The following SHANK2 variants were observed in gnomAD, a reference collection of about 807,000 sequenced individuals.
The protein encoded by SHANK2 is SH3 and multiple ankyrin repeat domains 2.
SHANK2 carries 43 observed loss-of-function variants against 133.7 expected under a neutral mutation model. The ratio of observed to expected loss-of-function variants is 0.32; its 90% CI spans 0.25 to 0.41. SHANK2 has a LOEUF of 0.41. Among genes scored for constraint, SHANK2 ranks in the 10% least tolerant of loss-of-function variants. The pLI, the probability that SHANK2 is intolerant of heterozygous loss-of-function variation, is 1.00. For missense variants in SHANK2, 1,994 were observed against 2,235.8 expected (o/e 0.89, Z 2.18); for synonymous variants, 1,017 against 952.8 (o/e 1.07, Z -1.24).
chr11:70,746,933 T>A (rs1946650514), intron 14 of SHANK2, among the ~76,000 whole-genome samples: 1 of 147,900 alleles, frequency 6.8e-6, no homozygotes, highest in African/African-American at 2.5e-5. Flanking sequence ...ACCGCTGTAC[T>A]CCCCTTTACC....
At chr11:70,692,581 C>G (rs989961876) in intron 15 of SHANK2, among the ~76,000 whole-genome samples, 1 of 152,272 alleles carries the variant, frequency 6.6e-6, no homozygotes, top group Admixed American at 6.5e-5. Flanking sequence ...TTTGCAGGGC[C>G]CTTCTCTAGA....
At position 70,494,614 on chromosome 11, in the gene SHANK2, C is replaced by T. The variant is rs148015974; in HGVS notation, c.2309-2149G>A. ...CAGCCATACACTTTTAGTCTTCAAACAAGGATGGGGAAGAAAAGGCAGGAG... is the reference window on the plus strand; with the variant it reads ...CAGCCATACACTTTTAGTCTTCAAATAAGGATGGGGAAGAAAAGGCAGGAG... On this transcript the variant is annotated intron_variant, in intron 21 of 25. Transcript: ENST00000601538. Among the ~76,000 whole-genome samples the T allele has an allele frequency of 2.0e-4, 31 of 152,262 alleles. No homozygotes were observed. In the East Asian group the frequency reaches 5.2e-3, roughly 26 times the overall value.
At chr11:70,748,447 G>C (rs1350886482) in intron 14 of SHANK2, among the ~76,000 whole-genome samples, 1 of 152,126 alleles carries the variant, frequency 6.6e-6, no homozygotes, top group African/African-American at 2.4e-5. Context: ...GCTAATGCCT[G>C]GTGCTCCCTG....
chr11:70,912,099 AAAAAAAAAAAAAAAAAG>A (rs1357372763), intron 10 of SHANK2, among the ~76,000 whole-genome samples: 3,748 of 136,796 alleles, frequency 0.027, 104 homozygotes, highest in African/African-American at 0.076. Context: ...AAAAAAAAAA[AAAAAAAAAAAAAAAAAG>A]AAAGAAAGAA....
Position 71,167,417 on chromosome 11 carries a change from AC to A in SHANK2, c.-12-20080del, listed in dbSNP as rs539162998. On this transcript the variant is annotated intron_variant, in intron 2 of 25. Transcript: ENST00000601538. ...GGGCGGCTGGCCGGGCGGGGGGCTG[AC>A]CCCCCCCACCTCCCTCCCAGACGGG... 2.5e-3 allele frequency among the ~76,000 whole-genome samples: 295 copies of A among 119,168 alleles called. 2 individuals are homozygous for A. Among genetic ancestry groups the A allele is most frequent in the African/African-American group, 5.0e-3 (148 of 29,842 alleles). 78.2% of individuals were successfully genotyped at this position (119,168 alleles called of 152,430 possible). A position where few individuals can be genotyped will look rare whatever the true frequency, so the allele number is the denominator to read the frequency against.
chr11:70,518,861 G>A (rs1461261925), intron 17 of SHANK2, among the ~76,000 whole-genome samples: 3 of 152,196 alleles, frequency 2.0e-5, no homozygotes, highest in Non-Finnish European at 4.4e-5. Context: ...GCTGCAGAAC[G>A]CTGATGTTCA....
chr11:70,629,179 G>A (rs1463882832), intron 17 of SHANK2, among the ~76,000 whole-genome samples: 3 of 152,098 alleles, frequency 2.0e-5, no homozygotes, highest in African/African-American at 7.2e-5. Flanking sequence ...AGCACCGGAA[G>A]AGCCTGGCCC....
At chr11:70,754,219 C>T (rs1171237738) in intron 14 of SHANK2, among the ~76,000 whole-genome samples, 3 of 152,208 alleles carry the variant, frequency 2.0e-5, no homozygotes, top group African/African-American at 7.2e-5. Flanking sequence ...CTACACAATT[C>T]CTCCCAGAAA....
At position 71,100,740 on chromosome 11, in the gene SHANK2, G is replaced by A. The variant is rs543240141; in HGVS notation, c.593-6052C>T. Among the ~76,000 whole-genome samples, 169 of 152,148 alleles carry A rather than the reference G, an allele frequency of 1.1e-3. 1 individual carries two copies. Among genetic ancestry groups the A allele is most frequent in the African/African-American group, 3.8e-3 (158 of 41,490 alleles). On this transcript the variant is annotated intron_variant, in intron 6 of 25. Transcript: ENST00000601538. ...AAATAACTCAGGCATGGTGGCACACGCCTGTAGTCCCAGCTACTCAGGAGG... is the reference window on the plus strand; with the variant it reads ...AAATAACTCAGGCATGGTGGCACACACCTGTAGTCCCAGCTACTCAGGAGG...
chr11:70,805,200 T>C lies in SHANK2; in HGVS notation c.1663+1802A>G, dbSNP rs958730248. Among the ~76,000 whole-genome samples the C allele has an allele frequency of 2.6e-4, 40 of 151,942 alleles. 2 individuals are homozygous for C. Among genetic ancestry groups the C allele is most frequent in the Admixed American group, 2.5e-3 (38 of 15,282 alleles). ...GCCTTCTCCTTGGGCATCAGTGAGC[T>C]CCAAAGCAGGACTCACAGAGGAGCA... is the stretch of plus-strand genomic sequence containing the variant. On this transcript the variant is annotated intron_variant, in intron 13 of 25. Coordinates refer to ENST00000601538, the MANE Select transcript of SHANK2 (RefSeq NM_012309.5).
Position 70,471,622 on chromosome 11 carries a change from C to T in SHANK2, c.*1247G>A. On this transcript the variant is annotated 3_prime_UTR_variant, in exon 26 of 26. Coordinates refer to ENST00000601538, the MANE Select transcript of SHANK2 (RefSeq NM_012309.5). The surrounding 1 kb of genome is among the most constrained non-coding windows in gnomAD (Gnocchi z 4.1). ...CTCAACCCTGGGTTCTGTCTATACT[C>T]CATACCCACTGGGTCCTCAAAGAAG... 2.6e-6 allele frequency: 1 copy of T among 388,046 alleles called. No homozygotes were observed. Among genetic ancestry groups the T allele is most frequent in the Non-Finnish European group, 4.5e-6 (1 of 219,978 alleles). The allele number at this position is 388,046 out of a possible 1,614,324, so 24.0% of individuals were successfully genotyped here.
At chr11:71,195,604 T>A (rs1953888638) in intron 2 of SHANK2, among the ~76,000 whole-genome samples, 1 of 152,206 alleles carries the variant, frequency 6.6e-6, no homozygotes, top group South Asian at 2.1e-4. Context: ...AGTTTTTTCA[T>A]AGAATTTCAG....
rs555218781 is a variant in SHANK2 at position 71,175,551 on chromosome 11, G to GGAGAGAGA, written c.-12-28221_-12-28214dup. The stretch of plus-strand genomic sequence containing the variant: ...CAGACAGACAGAGGGAGAGGGAGAG[G>GGAGAGAGA]GAGAGAGAGAGAGAGAGAGAGAGAG... On this transcript the variant is annotated intron_variant, in intron 2 of 25. Coordinates refer to ENST00000601538, the MANE Select transcript of SHANK2 (RefSeq NM_012309.5). This position sits in a 1 kb window ranked among gnomAD's most constrained non-coding sequence, Gnocchi z 4.2. Among the ~76,000 whole-genome samples the GGAGAGAGA allele has an allele frequency of 1.1e-3, 43 of 40,654 alleles. No homozygotes were observed. The highest frequency in any genetic ancestry group is 1.7e-3 in the African/African-American group (21 of 12,242). The allele number at this position is 40,654 out of a possible 152,430, so 26.7% of individuals were successfully genotyped here.
chr11:70,880,759 C>T (rs1949647014), intron 11 of SHANK2, among the ~76,000 whole-genome samples: 1 of 152,236 alleles, frequency 6.6e-6, no homozygotes, highest in Non-Finnish European at 1.5e-5. Context: ...CATAGATTTT[C>T]CCTCCATAGA....
chr11:70,618,189 G>A (rs781847965), intron 17 of SHANK2, among the ~76,000 whole-genome samples: 2 of 151,338 alleles, frequency 1.3e-5, no homozygotes, highest in Non-Finnish European at 2.9e-5. Context: ...AGCTACTCAG[G>A]AGGCTGAAGC....
chr11:71,113,200 C>T (rs1951918354), intron 5 of SHANK2, 93 bp downstream of exon 5: 1 of 1,112,254 alleles, frequency 9.0e-7, no homozygotes, highest in African/African-American at 1.6e-5. Context: ...CAGCAGGTGC[C>T]CCTGGAAGAG....
intron 11 of SHANK2, among the ~76,000 whole-genome samples, chr11:70,875,178 G>C (rs1386123263): frequency 6.6e-6 from 1 of 152,054 alleles, no homozygotes; most frequent in Non-Finnish European, 1.5e-5. Flanking sequence ...AAAGGGAAGG[G>C]ACATTTAGCT....
At chr11:70,851,135 C>T (rs1041467051) in intron 11 of SHANK2, among the ~76,000 whole-genome samples, 1 of 152,150 alleles carries the variant, frequency 6.6e-6, no homozygotes, top group Non-Finnish European at 1.5e-5. Flanking sequence ...CTGGACTTTC[C>T]ACTTCATGGA....
intron 17 of SHANK2, among the ~76,000 whole-genome samples, chr11:70,553,586 G>A (rs1180446942): frequency 2.0e-5 from 3 of 152,086 alleles, no homozygotes; most frequent in East Asian, 1.9e-4. Context: ...ACTCAGCCAC[G>A]TGAGGTGCAG....
Sources: gnomAD v4.1 joint callset for allele counts (sites outside exome capture counted in the v4.1 genomes callset) on GRCh38, gnomAD v4.1.1 for gene constraint, Gnocchi (gnomAD v3.1) non-coding constraint, MANE v1.5 for transcripts, NCBI Gene and HGNC (gene_info 2026-07-23, HGNC 2026-07-21) for gene names.